The following GALNT10 variants were observed in gnomAD, a reference collection of about 807,000 sequenced individuals.
GALNT10 encodes polypeptide N-acetylgalactosaminyltransferase 10.
GALNT10 carries 41 observed loss-of-function variants against 75.0 expected under a neutral mutation model. The ratio of observed to expected loss-of-function variants is 0.55; its 90% CI spans 0.43 to 0.71. The LOEUF (loss-of-function observed/expected upper bound fraction) is 0.71, where lower values mean the gene tolerates loss of function less well. Ranked by LOEUF, GALNT10 falls within the 30% of genes least tolerant of loss-of-function variation. The pLI is 0.00. For synonymous variants in GALNT10, 302 were observed against 313.0 expected (o/e 0.96, Z 0.37); for missense variants, 727 against 818.5 (o/e 0.89, Z 1.36).
intron 8 of GALNT10, among the ~76,000 whole-genome samples, chr5:154,408,140 C>G (rs1248576187): frequency 6.6e-6 from 1 of 152,192 alleles, no homozygotes; most frequent in East Asian, 1.9e-4. Context: ...GTGTCTATGG[C>G]TGCTTTATAG....
chr5:154,404,082 T>C (rs1250188510), intron 7 of GALNT10, 22 bp from the exon 8 acceptor site: 2 of 1,577,048 alleles, frequency 1.3e-6, no homozygotes, highest in South Asian at 1.1e-5. Context: ...CGTCATCCTC[T>C]CTCTTCCTTC....
intron 1 of GALNT10, among the ~76,000 whole-genome samples, chr5:154,268,232 C>T (rs959775971): frequency 9.9e-5 from 15 of 152,162 alleles, no homozygotes; most frequent in African/African-American, 2.2e-4. Context: ...TCACCCATGA[C>T]GTCATTTCAA....
intron 4 of GALNT10, among the ~76,000 whole-genome samples, chr5:154,375,449 C>T (rs1184366682): frequency 6.6e-6 from 1 of 152,144 alleles, no homozygotes; most frequent in African/African-American, 2.4e-5. Context: ...TTATTCAAAA[C>T]AATTTATCCA....
intron 4 of GALNT10, among the ~76,000 whole-genome samples, chr5:154,342,198 T>G (rs1329878906): frequency 6.6e-6 from 1 of 152,116 alleles, no homozygotes; most frequent in East Asian, 1.9e-4. Flanking sequence ...TGAGATGAAA[T>G]TAAAAATGCA....
At chr5:154,329,348 G>T in intron 3 of GALNT10, 1 of 515,044 alleles carries the variant, frequency 1.9e-6, no homozygotes, top group East Asian at 3.0e-5. Flanking sequence ...ACTCAGGGAG[G>T]TCTTTTATAC....
intron 4 of GALNT10, among the ~76,000 whole-genome samples, chr5:154,353,722 G>A (rs532402559): frequency 6.6e-5 from 10 of 152,336 alleles, no homozygotes; most frequent in South Asian, 2.1e-4. Flanking sequence ...GTGGAAGTTC[G>A]GAGAAGAGTG....
chr5:154,276,622 T>A (rs929111121), intron 1 of GALNT10, among the ~76,000 whole-genome samples: 4 of 152,172 alleles, frequency 2.6e-5, no homozygotes, highest in Non-Finnish European at 5.9e-5. Context: ...CCACAGATGG[T>A]TTCATTCACA....
At chr5:154,313,016 T>C (rs1429631936) in intron 3 of GALNT10, among the ~76,000 whole-genome samples, 1 of 152,168 alleles carries the variant, frequency 6.6e-6, no homozygotes, top group African/African-American at 2.4e-5. Context: ...TTTTTTAAAA[T>C]GTTATTGTTA....
Position 154,191,082 on chromosome 5 carries a change from CCTGTGGTTCCTTCCT to C in GALNT10, c.159+59_159+73del. 4 of 1,180,802 alleles carry C rather than the reference CCTGTGGTTCCTTCCT, an allele frequency of 3.4e-6. No individual in the cohort carries two copies. The South Asian group carries it at 8.0e-5, about 24-fold the overall frequency. 73.1% of individuals were successfully genotyped at this position (1,180,802 alleles called of 1,614,324 possible). On this transcript the variant is annotated intron_variant, in intron 1 of 11. Transcript: ENST00000297107. ...ACCCCCTTCCCGAATTCACTTTTAGCCTGTGGTTCCTTCCTCCACCTTCTGCTGTCTGCCTCCTCA... is the reference window on the plus strand; with the variant it reads ...ACCCCCTTCCCGAATTCACTTTTAGCCCACCTTCTGCTGTCTGCCTCCTCA...
intron 3 of GALNT10, among the ~76,000 whole-genome samples, chr5:154,299,558 T>C (rs78050571): frequency 0.021 from 3,231 of 152,322 alleles, 110 homozygotes; most frequent in African/African-American, 0.073. Context: ...TCTCAATCAG[T>C]AGAATGCAGT....
At chr5:154,335,437 C>T (rs1471600567) in intron 4 of GALNT10, among the ~76,000 whole-genome samples, 1 of 152,036 alleles carries the variant, frequency 6.6e-6, no homozygotes, top group Non-Finnish European at 1.5e-5. Context: ...GAGAAAATTC[C>T]AGCGAAATTT....
At position 154,401,246 on chromosome 5, in the gene GALNT10, G is replaced by T. The variant is rs1582013548; in HGVS notation, c.1057-2858G>T. Among the ~76,000 whole-genome samples, 4 of 152,220 alleles carry T rather than the reference G, an allele frequency of 2.6e-5. No individual in the cohort carries two copies. In the East Asian group the frequency reaches 7.7e-4, roughly 29 times the overall value. The stretch of plus-strand genomic sequence containing the variant: ...TTAGGTGCCTCTGCCAAGCAGAGCT[G>T]GACACAGAGCCTCATTAGCTAATGC... On this transcript the variant is annotated intron_variant, in intron 7 of 11. Coordinates refer to ENST00000297107, the MANE Select transcript of GALNT10 (RefSeq NM_198321.4).
At chr5:154,225,281 A>T (rs1474654975) in intron 1 of GALNT10, among the ~76,000 whole-genome samples, 1 of 149,738 alleles carries the variant, frequency 6.7e-6, no homozygotes, top group African/African-American at 2.5e-5. Context: ...TTTAGTAGAG[A>T]TGGGATTTCA....
intron 1 of GALNT10, among the ~76,000 whole-genome samples, chr5:154,207,045 G>A (rs1990948): frequency 0.94 from 143,174 of 152,304 alleles, 67,365 homozygotes; most frequent in African/African-American, 0.98. Context: ...GGAATCCATT[G>A]CTACTGTTGC....
chr5:154,347,369 A>ATTT, intron 4 of GALNT10: 1 of 293,510 alleles, frequency 3.4e-6, no homozygotes, highest in Non-Finnish European at 6.5e-6. Flanking sequence ...ACTTATAAGG[A>ATTT]TTTTTTTTTT....
At chr5:154,329,908 G>A (rs2113117922) in intron 4 of GALNT10, 170 bp downstream of exon 4, 1 of 306,516 alleles carries the variant, frequency 3.3e-6, no homozygotes, top group South Asian at 6.9e-5. Context: ...CACAACTCAT[G>A]AAGTGACTGC....
intron 5 of GALNT10, 73 bp from the exon 6 acceptor site, chr5:154,380,375 T>G: frequency 8.6e-7 from 1 of 1,168,278 alleles, no homozygotes; most frequent in South Asian, 1.4e-5. Context: ...ACAAGTAAGC[T>G]GCAGAACAGG....
intron 3 of GALNT10, among the ~76,000 whole-genome samples, chr5:154,315,221 A>G (rs1396235853): frequency 6.6e-6 from 1 of 152,272 alleles, no homozygotes; most frequent in Non-Finnish European, 1.5e-5. Flanking sequence ...GAGATAGGAC[A>G]GAATTCCTTG....
chr5:154,330,376 A>G (rs1177899095), intron 4 of GALNT10, among the ~76,000 whole-genome samples: 1 of 152,218 alleles, frequency 6.6e-6, no homozygotes, highest in Non-Finnish European at 1.5e-5. Flanking sequence ...GAAAGGGAGA[A>G]GTGGATTAGA....
Sources: allele counts gnomAD v4.1 joint callset (sites outside exome capture counted in the v4.1 genomes callset), GRCh38; gene constraint gnomAD v4.1.1; transcripts MANE v1.5; gene names NCBI Gene and HGNC (gene_info 2026-07-23, HGNC 2026-07-21).